The following HACE1 variants were observed in gnomAD, a reference collection of about 807,000 sequenced individuals.
HACE1 encodes E3 ubiquitin-protein ligase HACE1.
A neutral mutation model predicts 118.4 loss-of-function variants in HACE1; 73 were observed. The ratio of observed to expected loss-of-function variants is 0.62; its 90% CI spans 0.51 to 0.75. The LOEUF is 0.75. Among genes scored for constraint, HACE1 ranks in the 30% least tolerant of loss-of-function variants. The pLI is 0.00. For synonymous variants in HACE1, 368 were observed against 374.8 expected, an observed-to-expected ratio of 0.98 and a Z score of 0.21; for missense variants, 749 against 1,102.2, an observed-to-expected ratio of 0.68 and a Z score of 4.54.
intron 17 of HACE1, among the ~76,000 whole-genome samples, chr6:104,773,243 G>A (rs1394980288): frequency 6.6e-6 from 1 of 152,010 alleles, no homozygotes; most frequent in Non-Finnish European, 1.5e-5. Flanking sequence ...AGAAACAACG[G>A]ATAAACCTAA....
intron 14 of HACE1, among the ~76,000 whole-genome samples, chr6:104,782,908 T>C (rs541964862): frequency 1.6e-4 from 25 of 152,336 alleles, no homozygotes; most frequent in Non-Finnish European, 3.4e-4. Flanking sequence ...CTGTCCTACA[T>C]ATCTGGCAAA....
At chr6:104,776,266 C>G (rs751562678) in intron 17 of HACE1, among the ~76,000 whole-genome samples, 1 of 152,028 alleles carries the variant, frequency 6.6e-6, no homozygotes, top group Non-Finnish European at 1.5e-5. Flanking sequence ...GTTTTCCTAA[C>G]CAATATATTT....
chr6:104,755,964 A>C (rs756889299), intron 19 of HACE1, among the ~76,000 whole-genome samples: 2 of 152,188 alleles, frequency 1.3e-5, no homozygotes, highest in Non-Finnish European at 2.9e-5. Flanking sequence ...GACACAAAAC[A>C]ACCCTTCAAA....
At chr6:104,791,136 A>C (rs1782978954) in intron 11 of HACE1, among the ~76,000 whole-genome samples, 2 of 152,202 alleles carry the variant, frequency 1.3e-5, no homozygotes, top group Admixed American at 1.3e-4. Context: ...TTAAAATCTA[A>C]ATAAAAACTG....
At chr6:104,840,799 A>AC (rs1377427673) in intron 5 of HACE1, among the ~76,000 whole-genome samples, 2 of 152,228 alleles carry the variant, frequency 1.3e-5, no homozygotes, top group Non-Finnish European at 2.9e-5. Context: ...CCCCGTCTCT[A>AC]CTAAAAATAC....
intron 19 of HACE1, among the ~76,000 whole-genome samples, chr6:104,755,161 T>C (rs1158591071): frequency 6.6e-6 from 1 of 152,066 alleles, no homozygotes; most frequent in Non-Finnish European, 1.5e-5. Context: ...AAAGAGACTT[T>C]AAACCAACAA....
At chr6:104,766,895 G>C (rs1314879608) in intron 19 of HACE1, 2 of 152,152 alleles carry the variant, frequency 1.3e-5, no homozygotes, top group Non-Finnish European at 2.9e-5. Flanking sequence ...GCACAAGCAG[G>C]CTTGAAATTT....
chr6:104,837,137 C>G (rs1444845111), intron 5 of HACE1, among the ~76,000 whole-genome samples: 1 of 152,162 alleles, frequency 6.6e-6, no homozygotes, highest in Admixed American at 6.5e-5. Context: ...TTTGTAGACA[C>G]AGACAAGTTT....
chr6:104,859,366 C>G, intron 1 of HACE1: 2 of 524,860 alleles, frequency 3.8e-6, no homozygotes, highest in Non-Finnish European at 6.7e-6. Flanking sequence ...AGTTTCCTCC[C>G]GAAAACTCCC....
intron 5 of HACE1, among the ~76,000 whole-genome samples, chr6:104,841,599 A>C (rs931915669): frequency 1.3e-5 from 2 of 152,208 alleles, no homozygotes; most frequent in African/African-American, 4.8e-5. Flanking sequence ...AGTTTATTCT[A>C]TAATAAGCCA....
At chr6:104,850,242 G>T (rs1179315936) in intron 3 of HACE1, among the ~76,000 whole-genome samples, 1 of 152,110 alleles carries the variant, frequency 6.6e-6, no homozygotes. Context: ...GAGCCCCTGT[G>T]CATGGCCTTT....
intron 20 of HACE1, among the ~76,000 whole-genome samples, chr6:104,747,811 AATTATT>A (rs1582643005): frequency 6.6e-6 from 1 of 152,160 alleles, no homozygotes; most frequent in African/African-American, 2.4e-5. Flanking sequence ...AATGCTTAAT[AATTATT>A]ATTATCACTG....
rs761804952 is a variant in HACE1 at position 104,772,034 on chromosome 6, A to G, written c.1905T>C (p.Pro635=). The change falls in exon 18 of 24, where the codon CCT becomes CCC. Residue 635 remains proline (P), a synonymous_variant. Transcript: ENST00000262903. Reference sequence around the variant, plus strand: ...CAAACCGAAAATAGTTCAAGTGATCAGGATTTACATAAGAGTTGCTATTAG... The same window carrying G: ...CAAACCGAAAATAGTTCAAGTGATCGGGATTTACATAAGAGTTGCTATTAG... The part of the protein sequence containing the change: ...FQPNSNSYVN[P]DHLNYFRFAG... 19 of 1,607,170 alleles carry G rather than the reference A, an allele frequency of 1.2e-5. No homozygotes were observed. In the Admixed American group the frequency reaches 2.8e-4, roughly 24 times the overall value.
At chr6:104,800,154 C>T (rs1213966107) in intron 7 of HACE1, among the ~76,000 whole-genome samples, 1 of 151,338 alleles carries the variant, frequency 6.6e-6, no homozygotes, top group Non-Finnish European at 1.5e-5. Context: ...TGCAGCCTGG[C>T]GGGGGTAGGG....
intron 22 of HACE1, among the ~76,000 whole-genome samples, chr6:104,741,135 A>C (rs1370556104): frequency 9.5e-6 from 1 of 105,304 alleles, no homozygotes; most frequent in Non-Finnish European, 1.8e-5. Flanking sequence ...ACTCCCAATA[A>C]ATTAGGTATT....
chr6:104,741,263 C>A lies in HACE1; in HGVS notation c.2513+2897G>T, dbSNP rs995678630. Among the ~76,000 whole-genome samples the A allele has an allele frequency of 1.1e-4, 13 of 117,298 alleles. 1 individual carries two copies. The highest frequency in any genetic ancestry group is 4.7e-4 in the African/African-American group (11 of 23,534). The allele number at this position is 117,298 out of a possible 152,430, so 77.0% of individuals were successfully genotyped here. A position where few individuals can be genotyped will look rare whatever the true frequency, so the allele number is the denominator to read the frequency against. On this transcript the variant is annotated intron_variant, in intron 22 of 23. Transcript: ENST00000262903. ...GAAAACTGGCACAAGACAGGGACGC[C>A]CTCTCTCACCACTCCTATTCAACAT...
intron 7 of HACE1, among the ~76,000 whole-genome samples, chr6:104,803,062 A>G (rs1411068703): frequency 6.6e-6 from 1 of 152,218 alleles, no homozygotes; most frequent in Non-Finnish European, 1.5e-5. Flanking sequence ...AATACAAACT[A>G]CCATCAGAGA....
chr6:104,769,827 T>C (rs551795393), intron 19 of HACE1, among the ~76,000 whole-genome samples: 31 of 152,278 alleles, frequency 2.0e-4, no homozygotes, highest in African/African-American at 7.5e-4. Context: ...CTGACTTTAT[T>C]TCCAAGAATT....
rs1183170592 is a variant in HACE1, at chr6:104,728,213, T to C, written c.*1449A>G. On this transcript the variant is annotated 3_prime_UTR_variant, in exon 24 of 24. Coordinates refer to ENST00000262903, the MANE Select transcript of HACE1 (RefSeq NM_020771.4). ...AGAAACATATCTGTAAACATTAGTA[T>C]TATAAGCAGTGTAATATTAAAGGTG... The C allele has an allele frequency of 6.6e-6, 1 of 152,210 alleles. No homozygotes were observed. Among genetic ancestry groups the C allele is most frequent in the African/African-American group, 2.4e-5 (1 of 41,446 alleles). 9.4% of individuals were successfully genotyped at this position (152,210 alleles called of 1,614,324 possible).
Sources: gnomAD v4.1 joint callset for allele counts (sites outside exome capture counted in the v4.1 genomes callset) on GRCh38, gnomAD v4.1.1 for gene constraint, MANE v1.5 for transcripts, NCBI Gene and HGNC (gene_info 2026-07-23, HGNC 2026-07-21) for gene names.